PKN2: variants seen among roughly 807,000 people sequenced by gnomAD.
PKN2 encodes protein kinase N2, also known as serine/threonine-protein kinase N2.
Under a neutral mutation model 119.1 loss-of-function variants are expected in PKN2, and 38 were observed. The ratio of observed to expected loss-of-function variants is 0.32; its 90% confidence interval spans 0.25 to 0.42. The LOEUF is 0.42. Ranked by LOEUF, PKN2 falls within the 10% of genes least tolerant of loss-of-function variation. PKN2 has a pLI of 1.00. For synonymous variants in PKN2, 390 were observed against 384.9 expected, an observed-to-expected ratio of 1.01 and a Z score of -0.15; for missense variants, 850 against 1,165.1, an observed-to-expected ratio of 0.73 and a Z score of 3.94.
chr1:88,829,064 G>T, intron 19 of PKN2: 1 of 665,014 alleles, frequency 1.5e-6, no homozygotes, highest in South Asian at 1.5e-5. Context: ...AACTACTGAA[G>T]TTCCTGGGGA....
At chr1:88,823,703 T>TAAAAAAAAAAA (rs61234342) in intron 17 of PKN2, among the ~76,000 whole-genome samples, 1 of 65,746 alleles carries the variant, frequency 1.5e-5, no homozygotes, top group African/African-American at 5.6e-5. Context: ...GACTCTGTCT[T>TAAAAAAAAAAA]AAAAAAAAAA....
At chr1:88,826,888 A>G (rs1672519587) in intron 18 of PKN2, among the ~76,000 whole-genome samples, 1 of 152,194 alleles carries the variant, frequency 6.6e-6, no homozygotes, top group African/African-American at 2.4e-5. Flanking sequence ...TTACATAGAT[A>G]TTAATACTAT....
chr1:88,728,547 C>A (rs1179504676), intron 1 of PKN2, among the ~76,000 whole-genome samples: 1 of 151,902 alleles, frequency 6.6e-6, no homozygotes, highest in Non-Finnish European at 1.5e-5. Context: ...GGACTTTATT[C>A]TTGAACAGGT....
chr1:88,684,412 C>T lies in PKN2; in HGVS notation c.-169C>T, dbSNP rs1406511885. On this transcript the variant is annotated 5_prime_UTR_variant, in exon 1 of 22. Coordinates refer to ENST00000370521, the MANE Select transcript of PKN2 (RefSeq NM_006256.4). ...TAGCTCCCCGCCGCTCTCGATGAAC[C>T]GGACGGAATAAGCCGCGCCTCCAGC... 1 of 566,148 alleles carries T rather than the reference C, an allele frequency of 1.8e-6. No homozygotes were observed. Among genetic ancestry groups the T allele is most frequent in the Non-Finnish European group, 3.0e-6 (1 of 333,288 alleles). 35.1% of individuals were successfully genotyped at this position (566,148 alleles called of 1,614,324 possible).
intron 1 of PKN2, among the ~76,000 whole-genome samples, chr1:88,707,632 A>G (rs1667055394): frequency 2.0e-5 from 3 of 152,142 alleles, no homozygotes; most frequent in South Asian, 4.1e-4. Context: ...TTTCCATATT[A>G]TAGTTCCTTT....
At chr1:88,728,838 C>A (rs755484571) in intron 1 of PKN2, among the ~76,000 whole-genome samples, 22 of 149,682 alleles carry the variant, frequency 1.5e-4, no homozygotes, top group Non-Finnish European at 2.2e-4. Flanking sequence ...TAGATCATGT[C>A]TTTTTCCCCC....
Position 88,771,431 on chromosome 1 carries a change from G to A in PKN2, c.633G>A (p.Val211=), listed in dbSNP as rs1273862553. 6.9e-6 allele frequency: 11 copies of A among 1,593,398 alleles called. No individual in the cohort carries two copies. The highest frequency in any genetic ancestry group is 8.5e-6 in the Non-Finnish European group (10 of 1,173,948). The part of the protein sequence containing the change: ...NELAFDNAKP[V]ISPLELRMEE... ...TTTTTTCCTTTCTAGCAAAACCTGT[G>A]ATAAGTCCTCTTGAACTTCGGATGG... Residue 211 remains valine, a synonymous_variant, in exon 5 of 22, where the codon GTG becomes GTA. Coordinates refer to ENST00000370521, the MANE Select transcript of PKN2 (RefSeq NM_006256.4).
intron 1 of PKN2, among the ~76,000 whole-genome samples, chr1:88,724,286 T>G (rs1233359779): frequency 6.6e-6 from 1 of 152,234 alleles, no homozygotes; most frequent in African/African-American, 2.4e-5. Flanking sequence ...CTTGATAGTT[T>G]ATATTCATTA....
At position 88,722,801 on chromosome 1, in the gene PKN2, A is replaced by G. The variant is rs374733762; in HGVS notation, c.49-18187A>G. Among the ~76,000 whole-genome samples, 251 of 151,108 alleles carry G rather than the reference A, an allele frequency of 1.7e-3. 1 individual carries two copies. The highest frequency in any genetic ancestry group is 5.9e-3 in the African/African-American group (240 of 40,736). ...CTGTCTCAAAATAAAAAAAAAAAAA[A>G]GAAACGAAAAAAATTATTGATTGAC... On this transcript the variant is annotated intron_variant, in intron 1 of 21. Transcript: ENST00000370521.
intron 16 of PKN2, among the ~76,000 whole-genome samples, chr1:88,818,783 A>G (rs926709961): frequency 1.6e-4 from 25 of 152,200 alleles, no homozygotes; most frequent in Non-Finnish European, 3.1e-4. Context: ...AAACTATACT[A>G]CAAGACTGCA....
chr1:88,786,265 T>A, intron 8 of PKN2, 52 bp downstream of exon 8: 1 of 930,440 alleles, frequency 1.1e-6, no homozygotes, highest in Non-Finnish European at 1.7e-6. Context: ...ATTTTAAATG[T>A]GAGTTATATT....
intron 1 of PKN2, among the ~76,000 whole-genome samples, chr1:88,707,849 T>A (rs1386870295): frequency 6.6e-6 from 1 of 152,160 alleles, no homozygotes; most frequent in African/African-American, 2.4e-5. Context: ...CATTTTACAT[T>A]TCTTTATCTC....
At chr1:88,811,756 C>T (rs933914046) in intron 15 of PKN2, among the ~76,000 whole-genome samples, 1 of 152,198 alleles carries the variant, frequency 6.6e-6, no homozygotes, top group Non-Finnish European at 1.5e-5. Flanking sequence ...CCAAACCATA[C>T]AAAGCATAAA....
chr1:88,709,773 TA>T (rs1195403423), intron 1 of PKN2, among the ~76,000 whole-genome samples: 2 of 152,148 alleles, frequency 1.3e-5, no homozygotes, highest in South Asian at 2.1e-4. Flanking sequence ...ACAAGAACCT[TA>T]AAAAAAATTA....
intron 1 of PKN2, among the ~76,000 whole-genome samples, chr1:88,693,330 T>TAAACTTCTGAGC (rs1308295296): frequency 3.9e-4 from 59 of 152,092 alleles, no homozygotes; most frequent in African/African-American, 1.4e-3. Context: ...AGTTTACTAG[T>TAAACTTCTGAGC]TCAGAAGTTT....
chr1:88,709,145 C>T (rs373611407), intron 1 of PKN2, among the ~76,000 whole-genome samples: 1 of 152,062 alleles, frequency 6.6e-6, no homozygotes, highest in Non-Finnish European at 1.5e-5. Flanking sequence ...CCTCCGCTTC[C>T]CGGGTACAAG....
chr1:88,721,077 A>G (rs934530355), intron 1 of PKN2, among the ~76,000 whole-genome samples: 4 of 152,168 alleles, frequency 2.6e-5, no homozygotes, highest in African/African-American at 4.8e-5. Context: ...TTGTGCTGCT[A>G]TAGACATGTG....
chr1:88,693,571 A>C (rs1666413407), intron 1 of PKN2, among the ~76,000 whole-genome samples: 1 of 152,144 alleles, frequency 6.6e-6, no homozygotes, highest in Non-Finnish European at 1.5e-5. Context: ...CATTAGCCAG[A>C]AGTGGTGATG....
At chr1:88,741,948 A>T (rs1668594551) in intron 2 of PKN2, among the ~76,000 whole-genome samples, 1 of 152,026 alleles carries the variant, frequency 6.6e-6, no homozygotes, top group Non-Finnish European at 1.5e-5. Flanking sequence ...AAGATTGAAA[A>T]CCCACCTCTT....
Sources: allele counts gnomAD v4.1 joint callset (sites outside exome capture counted in the v4.1 genomes callset), GRCh38; gene constraint gnomAD v4.1.1; transcripts MANE v1.5; gene names NCBI Gene and HGNC (gene_info 2026-07-23, HGNC 2026-07-21).